The following LPA variants were observed in gnomAD, a reference collection of about 807,000 sequenced individuals.
The protein encoded by LPA is apolipoprotein(a).
A neutral mutation model predicts 197.9 loss-of-function variants in LPA; 199 were observed. That is an observed-to-expected ratio of 1.01 (90% CI 0.90 to 1.13). The LOEUF (loss-of-function observed/expected upper bound fraction) is 1.13. LPA is among the 50% of genes most tolerant of loss of function. LPA has a pLI of 0.00. For synonymous variants in LPA, 715 were observed against 639.5 expected (o/e 1.12, Z -1.78); for missense variants, 1,853 against 1,785.8 (o/e 1.04, Z -0.68).
intron 1 of LPA, among the ~76,000 whole-genome samples, chr6:160,657,842 G>A (rs556839303): frequency 1.3e-5 from 2 of 152,088 alleles, no homozygotes; most frequent in East Asian, 3.9e-4. Flanking sequence ...TCCCATGCCT[G>A]TTCTCCAGAT....
At chr6:160,596,181 G>A (rs1036154803) in intron 20 of LPA, among the ~76,000 whole-genome samples, 1 of 152,116 alleles carries the variant, frequency 6.6e-6, no homozygotes, top group African/African-American at 2.4e-5. Flanking sequence ...TATAGTAATG[G>A]CACCTCTCCT....
chr6:160,544,564 C>T (rs1041001265), intron 33 of LPA, among the ~76,000 whole-genome samples: 1 of 152,116 alleles, frequency 6.6e-6, no homozygotes, highest in Non-Finnish European at 1.5e-5. Flanking sequence ...TGCCCTGTAC[C>T]ACCTCCCCAG....
At chr6:160,598,606 C>T (rs1196527752) in intron 20 of LPA, among the ~76,000 whole-genome samples, 1 of 152,182 alleles carries the variant, frequency 6.6e-6, no homozygotes. Context: ...CATAGAATGG[C>T]CAGATCATGG....
intron 19 of LPA, among the ~76,000 whole-genome samples, chr6:160,600,207 G>T (rs1287094935): frequency 6.6e-6 from 1 of 152,142 alleles, no homozygotes; most frequent in South Asian, 2.1e-4. Flanking sequence ...ATGAGTGGAG[G>T]CCAAAAGCTT....
chr6:160,647,337 C>A (rs1047351315), intron 2 of LPA, among the ~76,000 whole-genome samples: 2 of 152,170 alleles, frequency 1.3e-5, no homozygotes, highest in African/African-American at 4.8e-5. Flanking sequence ...CTTCCTTATG[C>A]CTCCCAAGAA....
chr6:160,536,177 C>T lies in LPA; in HGVS notation c.5842+1678G>A, dbSNP rs142163689. Among the ~76,000 whole-genome samples the T allele has an allele frequency of 3.7e-3, 563 of 152,228 alleles. 6 individuals are homozygous for T. Among genetic ancestry groups the T allele is most frequent in the African/African-American group, 0.013 (533 of 41,530 alleles). On this transcript the variant is annotated intron_variant, in intron 37 of 38. Transcript: ENST00000316300. ...TTCTTTCCCGGTACAGCCACAGCAC[C>T]ACAGCATCTGCAGCCATGGGAATGT...
At chr6:160,555,750 A>C (rs1357267772) in intron 30 of LPA, among the ~76,000 whole-genome samples, 3 of 151,984 alleles carry the variant, frequency 2.0e-5, no homozygotes, top group Non-Finnish European at 2.9e-5. Context: ...ATGGCACTCT[A>C]AGTATTTGAT....
intron 30 of LPA, among the ~76,000 whole-genome samples, chr6:160,552,026 C>T (rs1778174804): frequency 6.6e-6 from 1 of 151,864 alleles, no homozygotes; most frequent in Admixed American, 6.6e-5. Context: ...AATCCTCTCA[C>T]CTCAGCATTC....
intron 30 of LPA, 84 bp from the exon 31 acceptor site, chr6:160,548,743 A>C: frequency 7.3e-7 from 1 of 1,362,522 alleles, no homozygotes; most frequent in Non-Finnish European, 1.0e-6. Context: ...TGTTCTAACA[A>C]AGTCTTAACA....
intron 28 of LPA, among the ~76,000 whole-genome samples, chr6:160,565,187 CAG>C (rs1473187915): frequency 6.6e-6 from 1 of 152,180 alleles, no homozygotes; most frequent in East Asian, 1.9e-4. Flanking sequence ...GTTCTCCCAG[CAG>C]AGAGTTTGAG....
intron 24 of LPA, among the ~76,000 whole-genome samples, chr6:160,587,751 TTGTGTGTGTGTGTGTGTG>T (rs67979615): frequency 4.0e-5 from 5 of 125,378 alleles, no homozygotes; most frequent in East Asian, 2.4e-4. Flanking sequence ...GGTTCAGTCT[TTGTGTGTGTGTGTGTGTG>T]TGTGTGTGTG....
At chr6:160,647,429 G>T (rs1259066125) in intron 2 of LPA, among the ~76,000 whole-genome samples, 5 of 152,072 alleles carry the variant, frequency 3.3e-5, no homozygotes, top group African/African-American at 7.2e-5. Context: ...GGGCCATGGG[G>T]ATCCAACATT....
At chr6:160,610,919 C>A (rs540041052) in intron 16 of LPA, among the ~76,000 whole-genome samples, 1 of 152,234 alleles carries the variant, frequency 6.6e-6, no homozygotes, top group East Asian at 1.9e-4. Context: ...TTGATTATGG[C>A]CAAATGATTG....
In LPA at chr6:160,545,508, A is replaced by C. The variant is rs1778053243; in HGVS notation, c.5330T>G (p.Ile1777Ser). ...KNYCRNPDGD[I>S]NGPWCYTMNP... is the part of the protein sequence containing the mutation. ...CATTGTGTAGCACCAGGGACCATTG[A>C]TGTCACCATCAGGGTTACGGCAGTA... Residue 1777 changes from isoleucine (I) to serine (S), a missense_variant, in exon 33 of 39, where the codon ATC becomes AGC. Transcript: ENST00000316300. 1 of 1,613,216 alleles carries C rather than the reference A, an allele frequency of 6.2e-7. No homozygotes were observed. The highest frequency in any genetic ancestry group is 1.7e-5 in the Admixed American group (1 of 59,968).
intron 26 of LPA, among the ~76,000 whole-genome samples, chr6:160,581,001 A>G (rs1244058358): frequency 6.6e-6 from 1 of 151,386 alleles, no homozygotes; most frequent in African/African-American, 2.4e-5. Flanking sequence ...AGGTTATAAG[A>G]TACTATACTT....
At chr6:160,580,838 T>G (rs375338110) in intron 26 of LPA, among the ~76,000 whole-genome samples, 1 of 152,172 alleles carries the variant, frequency 6.6e-6, no homozygotes, top group African/African-American at 2.4e-5. Context: ...GATGAGAGTG[T>G]TTTTCTTCCA....
At chr6:160,603,549 C>T (rs1171320045) in intron 18 of LPA, among the ~76,000 whole-genome samples, 3 of 152,154 alleles carry the variant, frequency 2.0e-5, no homozygotes, top group Non-Finnish European at 4.4e-5. Context: ...ACTCAGTTGA[C>T]ATATTGATAT....
intron 28 of LPA, among the ~76,000 whole-genome samples, chr6:160,568,914 C>G (rs1778512068): frequency 1.3e-5 from 2 of 152,130 alleles, no homozygotes; most frequent in African/African-American, 2.4e-5. Context: ...ACCTAGGAAT[C>G]CAACTTACAA....
chr6:160,589,987 T>G (rs2115043146), intron 23 of LPA, among the ~76,000 whole-genome samples: 1 of 152,364 alleles, frequency 6.6e-6, no homozygotes, highest in East Asian at 1.9e-4. Context: ...GTGCCTGTTC[T>G]TTGGCAAAGA....
Sources: allele counts gnomAD v4.1 joint callset (sites outside exome capture counted in the v4.1 genomes callset), GRCh38; gene constraint gnomAD v4.1.1; transcripts MANE v1.5; gene names NCBI Gene and HGNC (gene_info 2026-07-23, HGNC 2026-07-21).